AHR: variants seen among roughly 807,000 people sequenced by gnomAD.
The protein encoded by AHR is aryl hydrocarbon receptor, also known as AH-receptor.
Under a neutral mutation model 86.8 loss-of-function variants are expected in AHR, and 40 were observed. The observed-to-expected ratio is 0.46, with a 90% CI of 0.36 to 0.60. The LOEUF is 0.60. Among genes scored for constraint, AHR ranks in the 20% least tolerant of loss-of-function variants. The pLI is 0.00. For synonymous variants in AHR, 398 were observed against 354.9 expected (o/e 1.12, Z -1.37); for missense variants, 1,001 against 1,011.6 (o/e 0.99, Z 0.14).
intron 2 of AHR, among the ~76,000 whole-genome samples, chr7:17,314,187 T>A (rs1334295498): frequency 6.6e-6 from 1 of 152,100 alleles, no homozygotes; most frequent in African/African-American, 2.4e-5. Flanking sequence ...GATCCGAGTT[T>A]CTGATTTCAA....
At chr7:17,320,506 T>A (rs1782157345) in intron 2 of AHR, among the ~76,000 whole-genome samples, 1 of 152,124 alleles carries the variant, frequency 6.6e-6, no homozygotes, top group Admixed American at 6.6e-5. Context: ...AGTCTGACAC[T>A]GTTATTGTCC....
chr7:17,311,438 G>T (rs993341853), intron 2 of AHR, among the ~76,000 whole-genome samples: 2 of 152,100 alleles, frequency 1.3e-5, no homozygotes, highest in African/African-American at 4.8e-5. Flanking sequence ...ACACGTTTAT[G>T]GATATTTGAC....
At chr7:17,342,886 A>G (rs772965961) in intron 10 of AHR, 35 bp from the exon 11 acceptor site, 77 of 1,591,098 alleles carry the variant, frequency 4.8e-5, no homozygotes, top group Admixed American at 6.8e-5. Context: ...TGGAAGATCT[A>G]TTCCAATAAG....
In AHR at chr7:17,303,834, A is replaced by G. The variant is rs369654167; in HGVS notation, c.65+4505A>G. Among the ~76,000 whole-genome samples, 446 of 152,266 alleles carry G rather than the reference A, an allele frequency of 2.9e-3. 3 individuals are homozygous for G. The highest frequency in any genetic ancestry group is 0.01 in the African/African-American group (427 of 41,566). On this transcript the variant is annotated intron_variant, in intron 1 of 10. Coordinates refer to ENST00000242057, the MANE Select transcript of AHR (RefSeq NM_001621.5). ...CAAATCGTACACTCCAAGAGATAGTATCAAATTAAGAAAAATTTACTAATT... is the reference window on the plus strand; with the variant it reads ...CAAATCGTACACTCCAAGAGATAGTGTCAAATTAAGAAAAATTTACTAATT...
chr7:17,299,634 G>T (rs563945477), intron 1 of AHR, among the ~76,000 whole-genome samples: 1 of 152,338 alleles, frequency 6.6e-6, no homozygotes, highest in South Asian at 2.1e-4. Flanking sequence ...TGACAGCTCT[G>T]ATCTGCCTTG....
chr7:17,324,829 T>G (rs999404272), intron 3 of AHR, among the ~76,000 whole-genome samples: 1 of 152,058 alleles, frequency 6.6e-6, no homozygotes, highest in Non-Finnish European at 1.5e-5. Flanking sequence ...ATTAAAAGTT[T>G]AAGACATCTT....
chr7:17,315,082 C>G (rs368997768), intron 2 of AHR, among the ~76,000 whole-genome samples: 12 of 151,962 alleles, frequency 7.9e-5, no homozygotes, highest in East Asian at 5.8e-4. Context: ...ATAGCTAAAA[C>G]TATATAAACC....
intron 2 of AHR, among the ~76,000 whole-genome samples, chr7:17,318,271 T>C (rs1307293192): frequency 6.6e-6 from 1 of 152,082 alleles, no homozygotes; most frequent in African/African-American, 2.4e-5. Flanking sequence ...ATGTGGCATT[T>C]AGGGAGTAGG....
chr7:17,319,776 G>C (rs1259373666), intron 2 of AHR, among the ~76,000 whole-genome samples: 5 of 152,068 alleles, frequency 3.3e-5, no homozygotes, highest in Non-Finnish European at 1.5e-5. Flanking sequence ...GTAGGCATGA[G>C]AGCAAGAAAT....
At chr7:17,340,449 G>C (rs1283655621) in intron 10 of AHR, among the ~76,000 whole-genome samples, 3 of 151,804 alleles carry the variant, frequency 2.0e-5, no homozygotes, top group African/African-American at 7.3e-5. Flanking sequence ...GAGGGAGAAA[G>C]ATATCAAGGA....
intron 4 of AHR, among the ~76,000 whole-genome samples, chr7:17,329,344 G>T (rs548790711): frequency 6.6e-6 from 1 of 151,836 alleles, no homozygotes; most frequent in Non-Finnish European, 1.5e-5. Flanking sequence ...GTGACAGATG[G>T]AAATGTATTT....
intron 6 of AHR, among the ~76,000 whole-genome samples, 185 bp from the exon 7 acceptor site, chr7:17,333,727 C>T (rs115852309): frequency 0.013 from 1,957 of 151,866 alleles, 39 homozygotes; most frequent in African/African-American, 0.045. Flanking sequence ...TCATATTACT[C>T]TTTGAGATAG....
At position 17,298,676 on chromosome 7, in the gene AHR, C is replaced by T. The variant is rs1003435467; in HGVS notation, c.-589C>T. 5.9e-4 allele frequency: 232 copies of T among 395,536 alleles called. 1 individual carries two copies. The highest frequency in any genetic ancestry group is 4.9e-5 in the Non-Finnish European group (11 of 224,506). The allele number at this position is 395,536 out of a possible 1,614,324, so 24.5% of individuals were successfully genotyped here. A position where few individuals can be genotyped will look rare whatever the true frequency, so the allele number is the denominator to read the frequency against. ...CAGTGGCTGGGGAGTCCCGTCGACG[C>T]TCTGTTCCGAGAGCGTGCCCCGGAC... On this transcript the variant is annotated 5_prime_UTR_variant, in exon 1 of 11. Transcript: ENST00000242057.
intron 5 of AHR, 74 bp downstream of exon 5, chr7:17,330,149 G>A (rs1782272013): frequency 7.0e-7 from 1 of 1,437,378 alleles, no homozygotes; most frequent in Non-Finnish European, 9.5e-7. Flanking sequence ...CTGGGAACCT[G>A]TAGGGTCATA....
chr7:17,308,716 CACACACACACACACAT>C (rs1306685978), intron 1 of AHR, among the ~76,000 whole-genome samples: 1 of 152,044 alleles, frequency 6.6e-6, no homozygotes, highest in Non-Finnish European at 1.5e-5. Context: ...CACACACACA[CACACACACACACACAT>C]CATTTTACCG....
intron 1 of AHR, among the ~76,000 whole-genome samples, chr7:17,305,401 G>T (rs1471956088): frequency 6.6e-6 from 1 of 152,172 alleles, no homozygotes; most frequent in Non-Finnish European, 1.5e-5. Context: ...TAAGAGTTGG[G>T]CTTTATTGGG....
chr7:17,322,900 A>G (rs1782189320), intron 3 of AHR, among the ~76,000 whole-genome samples: 1 of 152,066 alleles, frequency 6.6e-6, no homozygotes, highest in African/African-American at 2.4e-5. Context: ...AATGCTTACC[A>G]TGTGTTAAAA....
Position 17,339,604 on chromosome 7 carries a change from CT to C in AHR, c.1781del (p.Phe594SerfsTer14). The C allele has an allele frequency of 1.9e-6, 3 of 1,614,074 alleles. No homozygotes were observed. Among genetic ancestry groups the C allele is most frequent in the Non-Finnish European group, 2.5e-6 (3 of 1,180,026 alleles). On this transcript the variant is annotated frameshift_variant, in exon 10 of 11. Coordinates refer to ENST00000242057, the MANE Select transcript of AHR (RefSeq NM_001621.5). ...YVQDSLSKSP[F>X]IPSDYQQQQS... ...TCCAAGATTCTTTAAGTAAGTCTCCCTTCATACCTTCAGATTATCAACAGCA... is the reference window on the plus strand; with the variant it reads ...TCCAAGATTCTTTAAGTAAGTCTCCCTCATACCTTCAGATTATCAACAGCA...
chr7:17,339,080 C>A lies in AHR; in HGVS notation c.1255C>A (p.Pro419Thr), dbSNP rs775106689. The A allele has an allele frequency of 6.2e-7, 1 of 1,614,054 alleles. No homozygotes were observed. The highest frequency in any genetic ancestry group is 8.5e-7 in the Non-Finnish European group (1 of 1,180,020). ...AGCTGTGTTGTATGAGGCAACCAACCCTTTTCCTGCCATAATGGATCCCTT... is the reference window on the plus strand; with the variant it reads ...AGCTGTGTTGTATGAGGCAACCAACACTTTTCCTGCCATAATGGATCCCTT... ...GEAVLYEATN[P>T]FPAIMDPLPL... Residue 419 changes from proline (P) to threonine (T), a missense_variant, in exon 10 of 11, where the codon CCT becomes ACT. Physicochemically the swap from Pro to Thr is conservative, Grantham distance 38. Coordinates refer to ENST00000242057, the MANE Select transcript of AHR (RefSeq NM_001621.5).
Sources: gnomAD v4.1 joint callset for allele counts (sites outside exome capture counted in the v4.1 genomes callset) on GRCh38, gnomAD v4.1.1 for gene constraint, MANE v1.5 for transcripts, NCBI Gene and HGNC (gene_info 2026-07-23, HGNC 2026-07-21) for gene names.